CRADD: variants seen among roughly 807,000 people sequenced by gnomAD.
The protein encoded by CRADD is CARD and death domain containing adaptor protein.
Under a neutral mutation model 15.5 loss-of-function variants are expected in CRADD, and 9 were observed. That is an observed-to-expected ratio of 0.58 (90% CI 0.35 to 1.01). The LOEUF is 1.01. Among genes scored for constraint, CRADD ranks in the 50% least tolerant of loss-of-function variants. The pLI is 0.02. For synonymous variants in CRADD, 118 were observed against 107.6 expected, an observed-to-expected ratio of 1.10 and a Z score of -0.60; for missense variants, 227 against 250.3, an observed-to-expected ratio of 0.91 and a Z score of 0.63.
At chr12:93,705,100 C>T (rs1040579080) in intron 2 of CRADD, among the ~76,000 whole-genome samples, 1 of 152,198 alleles carries the variant, frequency 6.6e-6, no homozygotes, top group African/African-American at 2.4e-5. Flanking sequence ...AAGCGAATTT[C>T]CCTTCTCTAG....
At chr12:93,711,654 C>G (rs1307924556) in intron 2 of CRADD, among the ~76,000 whole-genome samples, 1 of 152,060 alleles carries the variant, frequency 6.6e-6, no homozygotes, top group African/African-American at 2.4e-5. Context: ...TTGCTGTTCC[C>G]TCTCTCTGGA....
At chr12:93,890,011 A>G (rs1299377123) in intron 2 of CRADD, among the ~76,000 whole-genome samples, 1 of 152,202 alleles carries the variant, frequency 6.6e-6, no homozygotes, top group Non-Finnish European at 1.5e-5. Flanking sequence ...TCCTCACCCC[A>G]TACATACTCA....
downstream of CRADD, among the ~76,000 whole-genome samples, chr12:93,855,180 A>G (rs1050441898): frequency 1.3e-5 from 2 of 152,136 alleles, no homozygotes; most frequent in African/African-American, 4.8e-5. Flanking sequence ...CGGAGACAGC[A>G]AAACTCCGTC....
intron 2 of CRADD, among the ~76,000 whole-genome samples, chr12:93,764,823 AT>A (rs1957009474): frequency 6.6e-6 from 1 of 150,696 alleles, no homozygotes; most frequent in Non-Finnish European, 1.5e-5. Flanking sequence ...TTTGTGATAC[AT>A]TTTTCTGTAA....
intron 2 of CRADD, among the ~76,000 whole-genome samples, chr12:93,884,359 T>C (rs1281053998): frequency 6.6e-6 from 1 of 152,148 alleles, no homozygotes; most frequent in Non-Finnish European, 1.5e-5. Flanking sequence ...AGAGGAAAGA[T>C]AACAAAATTG....
chr12:93,827,335 G>A (rs1957835476), intron 2 of CRADD, among the ~76,000 whole-genome samples: 1 of 152,004 alleles, frequency 6.6e-6, no homozygotes, highest in African/African-American at 2.4e-5. Context: ...TCTTTTGTCT[G>A]GCAACTTGCA....
At chr12:93,863,769 A>C (rs546645097) in intron 2 of CRADD, among the ~76,000 whole-genome samples, 96 of 152,278 alleles carry the variant, frequency 6.3e-4, no homozygotes, top group Non-Finnish European at 1.1e-3. Flanking sequence ...ACCCCCAATA[A>C]GCACTGCTGT....
At chr12:93,811,504 A>C (rs977802363) in intron 2 of CRADD, among the ~76,000 whole-genome samples, 1 of 152,220 alleles carries the variant, frequency 6.6e-6, no homozygotes, top group South Asian at 2.1e-4. Context: ...GATGCAGTGT[A>C]GTGTAGCAGG....
intron 2 of CRADD, chr12:93,738,659 C>A: frequency 3.8e-6 from 2 of 520,632 alleles, no homozygotes; most frequent in East Asian, 3.1e-5. Flanking sequence ...CTTTTTTGTG[C>A]GTAAAGTGTC....
intron 2 of CRADD, among the ~76,000 whole-genome samples, chr12:93,802,320 GT>G (rs1957485023): frequency 6.6e-6 from 1 of 152,314 alleles, no homozygotes; most frequent in Middle Eastern, 3.4e-3. Flanking sequence ...GGGTAAAAGT[GT>G]TTCCTTTTAA....
chr12:93,736,434 T>C (rs1188147735), intron 2 of CRADD, among the ~76,000 whole-genome samples: 1 of 152,242 alleles, frequency 6.6e-6, no homozygotes, highest in African/African-American at 2.4e-5. Flanking sequence ...TTCCCATCTC[T>C]ACTTAAAAAC....
chr12:93,886,558 G>C (rs980836021), intron 2 of CRADD, among the ~76,000 whole-genome samples: 1 of 152,128 alleles, frequency 6.6e-6, no homozygotes, highest in Non-Finnish European at 1.5e-5. Context: ...TGTTTCACCT[G>C]ACGGTAGTCC....
At chr12:93,847,818 A>C (rs1241765221) in intron 2 of CRADD, among the ~76,000 whole-genome samples, 5 of 152,246 alleles carry the variant, frequency 3.3e-5, no homozygotes, top group African/African-American at 1.2e-4. Context: ...CTATAAAAAC[A>C]TGCAGTTAAC....
intron 2 of CRADD, among the ~76,000 whole-genome samples, chr12:93,833,394 A>C (rs1396847067): frequency 1.3e-5 from 2 of 152,148 alleles, no homozygotes; most frequent in African/African-American, 4.8e-5. Context: ...GCTGGAGTGC[A>C]GTGGCACTCT....
chr12:93,843,364 T>A lies in CRADD; in HGVS notation c.299-6606T>A, dbSNP rs149556843. ...TTCTACCACTAATTTAATGCTTTTTTTCTTTTTTGTCTTTTTATTCTTTTT... is the reference window on the plus strand; with the variant it reads ...TTCTACCACTAATTTAATGCTTTTTATCTTTTTTGTCTTTTTATTCTTTTT... On this transcript the variant is annotated intron_variant, in intron 2 of 2. Coordinates refer to ENST00000332896, the MANE Select transcript of CRADD (RefSeq NM_003805.5). Among the ~76,000 whole-genome samples, 632 of 151,902 alleles carry A rather than the reference T, an allele frequency of 4.2e-3. 9 individuals are homozygous for A. The highest frequency in any genetic ancestry group is 0.014 in the African/African-American group (599 of 41,468).
intron 2 of CRADD, among the ~76,000 whole-genome samples, chr12:93,846,265 C>G (rs1958114641): frequency 6.6e-6 from 1 of 152,146 alleles, no homozygotes; most frequent in African/African-American, 2.4e-5. Context: ...CTCTTTGAGT[C>G]CCTGCATTCA....
intron 2 of CRADD, among the ~76,000 whole-genome samples, chr12:93,704,413 G>A (rs1051152721): frequency 3.9e-5 from 6 of 152,054 alleles, no homozygotes; most frequent in African/African-American, 1.4e-4. Flanking sequence ...GGCACCATCT[G>A]TATTTTACCA....
chr12:93,811,089 T>C (rs1486311008), intron 2 of CRADD, among the ~76,000 whole-genome samples: 1 of 152,180 alleles, frequency 6.6e-6, no homozygotes, highest in Non-Finnish European at 1.5e-5. Flanking sequence ...GTGGTCTAGT[T>C]TTTTGAAAGA....
At chr12:93,718,488 A>C (rs1415789246) in intron 2 of CRADD, among the ~76,000 whole-genome samples, 1 of 151,992 alleles carries the variant, frequency 6.6e-6, no homozygotes, top group Non-Finnish European at 1.5e-5. Context: ...GAGGTAATTG[A>C]CTTTTGTATA....
Sources: allele counts gnomAD v4.1 joint callset (sites outside exome capture counted in the v4.1 genomes callset), GRCh38; gene constraint gnomAD v4.1.1; transcripts MANE v1.5; gene names NCBI Gene and HGNC (gene_info 2026-07-23, HGNC 2026-07-21).